Variants in DTD1 observed in about 807,000 individuals in gnomAD.
The protein encoded by DTD1 is D-aminoacyl-tRNA deacylase 1.
DTD1 carries 13 observed loss-of-function variants against 25.6 expected under a neutral mutation model. The ratio of observed to expected loss-of-function variants is 0.51; its 90% CI spans 0.33 to 0.81. The LOEUF (loss-of-function observed/expected upper bound fraction) is 0.81, where lower values mean the gene tolerates loss of function less well. Among genes scored for constraint, DTD1 ranks in the 30% least tolerant of loss-of-function variants. DTD1 has a pLI of 0.02. For missense variants in DTD1, 193 were observed against 266.4 expected, an observed-to-expected ratio of 0.72 and a Z score of 1.92; for synonymous variants, 110 against 103.6, an observed-to-expected ratio of 1.06 and a Z score of -0.37.
intron 4 of DTD1, among the ~76,000 whole-genome samples, chr20:18,638,885 A>G (rs2060818532): frequency 6.6e-6 from 1 of 152,138 alleles, no homozygotes; most frequent in Non-Finnish European, 1.5e-5. Flanking sequence ...AACCACTCTC[A>G]TATTCTGCCT....
At chr20:18,731,511 C>T (rs6081332) in intron 4 of DTD1, among the ~76,000 whole-genome samples, 49,587 of 152,096 alleles carry the variant, frequency 0.33, 8,475 homozygotes, top group Non-Finnish European at 0.38. Flanking sequence ...GCCTGTTCTC[C>T]GCCCTCAATC....
chr20:18,650,003 AG>A (rs2060867891), intron 4 of DTD1, among the ~76,000 whole-genome samples: 1 of 152,200 alleles, frequency 6.6e-6, no homozygotes, highest in Non-Finnish European at 1.5e-5. Flanking sequence ...GCTTGAGCCC[AG>A]GAGTTTGAGA....
chr20:18,731,556 A>G (rs1000663571), intron 4 of DTD1, among the ~76,000 whole-genome samples: 1 of 152,232 alleles, frequency 6.6e-6, no homozygotes, highest in African/African-American at 2.4e-5. Flanking sequence ...CAGCTTGAAC[A>G]TATTTTAAGC....
At chr20:18,677,809 TG>T (rs2060982124) in intron 4 of DTD1, among the ~76,000 whole-genome samples, 1 of 152,186 alleles carries the variant, frequency 6.6e-6, no homozygotes, top group Non-Finnish European at 1.5e-5. Flanking sequence ...CAAATACAAC[TG>T]CAAAGACAAA....
chr20:18,753,598 ACT>A (rs1342585737), intron 5 of DTD1, among the ~76,000 whole-genome samples: 3 of 118,830 alleles, frequency 2.5e-5, no homozygotes, highest in South Asian at 3.3e-4. Flanking sequence ...ATGAAGCGAA[ACT>A]CTGTCTCAAA....
In DTD1 at chr20:18,632,153, T is replaced by G. The variant is rs979265781; in HGVS notation, c.477+3920T>G. 4.1e-6 allele frequency: 4 copies of G among 984,934 alleles called. No individual in the cohort carries two copies. The African/African-American group carries it at 7.0e-5, about 17-fold the overall frequency. 61.0% of individuals were successfully genotyped at this position (984,934 alleles called of 1,614,324 possible). A position where few individuals can be genotyped will look rare whatever the true frequency, so the allele number is the denominator to read the frequency against. On this transcript the variant is annotated intron_variant, in intron 4 of 5. Coordinates refer to ENST00000377452, the MANE Select transcript of DTD1 (RefSeq NM_080820.6). The stretch of plus-strand genomic sequence containing the variant: ...GCATCATGCTGTACACCTTATACAA[T>G]AAATCCCTCTCCCCAAATCAAAAAA...
chr20:18,601,842 C>T (rs2060636638), intron 3 of DTD1, among the ~76,000 whole-genome samples: 1 of 151,786 alleles, frequency 6.6e-6, no homozygotes, highest in Non-Finnish European at 1.5e-5. Context: ...AACAGAAAAA[C>T]TGGAAACTCT....
intron 4 of DTD1, among the ~76,000 whole-genome samples, chr20:18,638,367 A>G (rs2060816356): frequency 6.6e-6 from 1 of 152,170 alleles, no homozygotes; most frequent in African/African-American, 2.4e-5. Flanking sequence ...GTGGAGAAAC[A>G]AACAAAAACA....
At chr20:18,635,289 G>C (rs761877371) in intron 4 of DTD1, among the ~76,000 whole-genome samples, 1 of 152,320 alleles carries the variant, frequency 6.6e-6, no homozygotes, top group East Asian at 1.9e-4. Flanking sequence ...AACAGAAGTG[G>C]GAACTCAGCA....
intron 4 of DTD1, among the ~76,000 whole-genome samples, chr20:18,632,910 G>A (rs1348456765): frequency 6.6e-6 from 1 of 152,134 alleles, no homozygotes; most frequent in African/African-American, 2.4e-5. Flanking sequence ...GTGTATGTAT[G>A]TAAGCACCAA....
chr20:18,687,406 G>A (rs966522773), intron 4 of DTD1, among the ~76,000 whole-genome samples: 1 of 152,182 alleles, frequency 6.6e-6, no homozygotes, highest in African/African-American at 2.4e-5. Flanking sequence ...AACTTGTACA[G>A]GAGTGTAGTT....
chr20:18,667,984 A>T (rs576869164), intron 4 of DTD1, among the ~76,000 whole-genome samples: 183 of 152,340 alleles, frequency 1.2e-3, no homozygotes, highest in Non-Finnish European at 1.6e-3. Context: ...GGCAGTCGTT[A>T]AACTGTCTGC....
intron 4 of DTD1, among the ~76,000 whole-genome samples, chr20:18,682,850 A>C (rs763626448): frequency 6.6e-6 from 1 of 152,148 alleles, no homozygotes; most frequent in Non-Finnish European, 1.5e-5. Flanking sequence ...AGTGGTTTTC[A>C]TAGGTTCATG....
chr20:18,718,151 T>C lies in DTD1; in HGVS notation c.478-25949T>C, dbSNP rs2061188747. On this transcript the variant is annotated intron_variant, in intron 4 of 5. Transcript: ENST00000377452. ...TCTTGGGTTTATTTCTTTAAAAATATTCAGGAAGAACAATGAGCTTTGAAG... is the reference window on the plus strand; with the variant it reads ...TCTTGGGTTTATTTCTTTAAAAATACTCAGGAAGAACAATGAGCTTTGAAG... 2.0e-5 allele frequency among the ~76,000 whole-genome samples: 3 copies of C among 152,346 alleles called. No individual in the cohort carries two copies. In the South Asian group the frequency reaches 6.2e-4, roughly 32 times the overall value.
At chr20:18,730,284 T>G (rs2061235702) in intron 4 of DTD1, among the ~76,000 whole-genome samples, 2 of 152,218 alleles carry the variant, frequency 1.3e-5, no homozygotes, top group Non-Finnish European at 1.5e-5. Flanking sequence ...CATGTATCTT[T>G]GTGCTTAACA....
intron 5 of DTD1, among the ~76,000 whole-genome samples, chr20:18,762,203 T>C (rs2061365755): frequency 6.6e-6 from 1 of 152,232 alleles, no homozygotes; most frequent in Non-Finnish European, 1.5e-5. Flanking sequence ...AGCACATCCA[T>C]GGAGGTGGCA....
chr20:18,621,162 T>C (rs959398570), intron 3 of DTD1, among the ~76,000 whole-genome samples: 4 of 152,188 alleles, frequency 2.6e-5, no homozygotes, highest in African/African-American at 9.7e-5. Context: ...CAGTATGTGG[T>C]GATTACCTTG....
At chr20:18,620,882 G>A (rs536362855) in intron 3 of DTD1, among the ~76,000 whole-genome samples, 54 of 152,278 alleles carry the variant, frequency 3.5e-4, no homozygotes, top group Non-Finnish European at 5.9e-4. Context: ...GGTGCATACC[G>A]CCTTGCCTGG....
At chr20:18,667,129 T>A (rs1010750320) in intron 4 of DTD1, among the ~76,000 whole-genome samples, 1 of 152,176 alleles carries the variant, frequency 6.6e-6, no homozygotes, top group African/African-American at 2.4e-5. Flanking sequence ...GTGGTGGGGA[T>A]GCCAAAGGGA....
Sources: gnomAD v4.1 joint callset for allele counts (sites outside exome capture counted in the v4.1 genomes callset) on GRCh38, gnomAD v4.1.1 for gene constraint, MANE v1.5 for transcripts, NCBI Gene and HGNC (gene_info 2026-07-23, HGNC 2026-07-21) for gene names.